LSAMP: variants seen among roughly 807,000 people sequenced by gnomAD.
LSAMP encodes limbic system associated membrane protein, also known as limbic system-associated membrane protein.
Under a neutral mutation model 38.6 loss-of-function variants are expected in LSAMP, and 7 were observed. That is an observed-to-expected ratio of 0.18 (90% CI 0.10 to 0.34). LSAMP has a LOEUF of 0.34. Among genes scored for constraint, LSAMP ranks in the 10% least tolerant of loss-of-function variants. The pLI is 1.00. For missense variants in LSAMP, 313 were observed against 420.0 expected (o/e 0.75, Z 2.23); for synonymous variants, 154 against 166.8 (o/e 0.92, Z 0.59).
intron 1 of LSAMP, among the ~76,000 whole-genome samples, chr3:116,131,081 C>T (rs926383445): frequency 2.0e-5 from 3 of 151,168 alleles, no homozygotes; most frequent in African/African-American, 7.3e-5. Context: ...AGCTCCATCT[C>T]CCAGGTTCAC....
At chr3:116,129,408 C>T (rs966959527) in intron 1 of LSAMP, among the ~76,000 whole-genome samples, 1 of 152,124 alleles carries the variant, frequency 6.6e-6, no homozygotes, top group African/African-American at 2.4e-5. Flanking sequence ...AATATACTGC[C>T]AATTTCCTAC....
At chr3:115,950,585 A>G (rs1489056737) in intron 3 of LSAMP, among the ~76,000 whole-genome samples, 1 of 152,146 alleles carries the variant, frequency 6.6e-6, no homozygotes, top group African/African-American at 2.4e-5. Context: ...TGCCAAAAGA[A>G]ATCATTTATA....
At chr3:116,410,748 C>T (rs995118496) in intron 1 of LSAMP, among the ~76,000 whole-genome samples, 1 of 152,084 alleles carries the variant, frequency 6.6e-6, no homozygotes, top group African/African-American at 2.4e-5. Flanking sequence ...CATTCCTTGC[C>T]CATCAAGCTC....
At chr3:116,163,820 GTTTTC>G (rs1709962848) in intron 1 of LSAMP, among the ~76,000 whole-genome samples, 1 of 151,738 alleles carries the variant, frequency 6.6e-6, no homozygotes, top group Non-Finnish European at 1.5e-5. Context: ...TCATTCTCAT[GTTTTC>G]TTAATATCTG....
In LSAMP at chr3:116,101,748, C is replaced by CAAAT. The variant is rs3071050; in HGVS notation, c.156-15196_156-15193dup. ...AATATGCAGGGGAAACTGCATAACT[C>CAAAT]AAATTCTAAAAATATGCTTAAGAGT... On this transcript the variant is annotated intron_variant, in intron 1 of 6. Coordinates refer to ENST00000490035, the MANE Select transcript of LSAMP (RefSeq NM_002338.5). Among the ~76,000 whole-genome samples the CAAAT allele has an allele frequency of 9.9e-3, 1,514 of 152,194 alleles. 20 individuals carry two copies. Among genetic ancestry groups the CAAAT allele is most frequent in the African/African-American group, 0.033 (1,362 of 41,546 alleles).
At chr3:116,211,115 A>G (rs1327991349) in intron 1 of LSAMP, among the ~76,000 whole-genome samples, 1 of 152,130 alleles carries the variant, frequency 6.6e-6, no homozygotes, top group Non-Finnish European at 1.5e-5. Context: ...ACATGATCTC[A>G]CTTATATGTA....
chr3:116,136,083 A>G (rs1245787773), intron 1 of LSAMP, among the ~76,000 whole-genome samples: 1 of 152,200 alleles, frequency 6.6e-6, no homozygotes, highest in Non-Finnish European at 1.5e-5. Flanking sequence ...TGAGGCTACA[A>G]GGTGGCAAGA....
At chr3:116,222,617 A>G (rs2046299844) in intron 1 of LSAMP, among the ~76,000 whole-genome samples, 1 of 151,304 alleles carries the variant, frequency 6.6e-6, no homozygotes, top group South Asian at 2.1e-4. Context: ...AGAGAGGAAA[A>G]GTCAACATGT....
intron 1 of LSAMP, among the ~76,000 whole-genome samples, chr3:116,435,975 A>G (rs1363119358): frequency 6.6e-6 from 1 of 152,182 alleles, no homozygotes; most frequent in Non-Finnish European, 1.5e-5. Flanking sequence ...GAGGTACCAG[A>G]AAAAAAGAGG....
chr3:116,240,545 G>GA lies in LSAMP; in HGVS notation c.156-153990dup, dbSNP rs1247647442. ...CCCTAGAGAAAACACTACAGGAGAA[G>GA]AAAAAATGAAATTAAACTTCACTTG... On this transcript the variant is annotated intron_variant, in intron 1 of 6. Transcript: ENST00000490035. 2.6e-5 allele frequency among the ~76,000 whole-genome samples: 4 copies of GA among 152,120 alleles called. No individual in the cohort carries two copies. The East Asian group carries it at 7.7e-4, about 29-fold the overall frequency.
intron 1 of LSAMP, among the ~76,000 whole-genome samples, chr3:116,182,325 C>T (rs1710505070): frequency 6.6e-6 from 1 of 151,418 alleles, no homozygotes; most frequent in African/African-American, 2.4e-5. Flanking sequence ...TTAGTTACCT[C>T]ATTTATTTCT....
At chr3:115,835,966 T>C (rs977314068) in intron 6 of LSAMP, among the ~76,000 whole-genome samples, 1 of 152,264 alleles carries the variant, frequency 6.6e-6, no homozygotes, top group Non-Finnish European at 1.5e-5. Context: ...TTAGCATTTA[T>C]GTAGCAGTTG....
chr3:116,280,073 T>C (rs575612678), intron 1 of LSAMP, among the ~76,000 whole-genome samples: 13 of 152,318 alleles, frequency 8.5e-5, no homozygotes, highest in Admixed American at 5.2e-4. Flanking sequence ...CTGATGATGC[T>C]TGTAAACTTT....
At position 116,403,357 on chromosome 3, in the gene LSAMP, T is replaced by A. The variant is rs192272091; in HGVS notation, c.155+41520A>T. ...CAAGGTATTTCTATTTCCATAAAAA[T>A]CACTGTGAATGTATTAAGATATTCA... On this transcript the variant is annotated intron_variant, in intron 1 of 6. Transcript: ENST00000490035. 2.8e-4 allele frequency among the ~76,000 whole-genome samples: 43 copies of A among 152,322 alleles called. No individual in the cohort carries two copies. In the East Asian group the frequency reaches 7.7e-3, roughly 27 times the overall value.
chr3:116,145,245 C>G (rs1364488241), intron 1 of LSAMP, among the ~76,000 whole-genome samples: 1 of 151,468 alleles, frequency 6.6e-6, no homozygotes, highest in South Asian at 2.1e-4. Flanking sequence ...TTCTATCAGG[C>G]CATTTTTGGA....
At chr3:115,925,524 T>G (rs538941441) in intron 3 of LSAMP, among the ~76,000 whole-genome samples, 1 of 152,308 alleles carries the variant, frequency 6.6e-6, no homozygotes, top group African/African-American at 2.4e-5. Context: ...CCTATCTGTC[T>G]TGGTAATATT....
In LSAMP at chr3:116,445,416, A is replaced by C; in HGVS notation, c.-385T>G. 4.8e-5 allele frequency: 14 copies of C among 293,530 alleles called. No homozygotes were observed. The highest frequency in any genetic ancestry group is 1.2e-4 in the East Asian group (2 of 16,850). 18.2% of individuals were successfully genotyped at this position (293,530 alleles called of 1,614,324 possible). On this transcript the variant is annotated 5_prime_UTR_variant, in exon 1 of 7. Coordinates refer to ENST00000490035, the MANE Select transcript of LSAMP (RefSeq NM_002338.5). ...CCTTCGCTCTGTAACCCACTTTCCC[A>C]GGCTGGCGGGCGGGCGGGCGAGGGA... is the stretch of plus-strand genomic sequence containing the variant.
chr3:115,947,445 G>A (rs757168763), intron 3 of LSAMP, among the ~76,000 whole-genome samples: 4 of 152,092 alleles, frequency 2.6e-5, no homozygotes, highest in Non-Finnish European at 5.9e-5. Context: ...TACACACTAT[G>A]AATCTCATTC....
At chr3:116,251,992 C>T (rs984652089) in intron 1 of LSAMP, among the ~76,000 whole-genome samples, 2 of 152,146 alleles carry the variant, frequency 1.3e-5, no homozygotes, top group Non-Finnish European at 2.9e-5. Flanking sequence ...CTCACTCGAC[C>T]CCAAATCTCA....
Sources: allele counts gnomAD v4.1 joint callset (sites outside exome capture counted in the v4.1 genomes callset), GRCh38; gene constraint gnomAD v4.1.1; transcripts MANE v1.5; gene names NCBI Gene and HGNC (gene_info 2026-07-23, HGNC 2026-07-21).